Variants in SAMSN1 observed in about 807,000 individuals in gnomAD.
SAMSN1 encodes SAM domain, SH3 domain and nuclear localization signals 1, also known as SAM domain-containing protein SAMSN-1.
In SAMSN1, 31 loss-of-function variants were observed where a neutral mutation model predicts 42.0. That is an observed-to-expected ratio of 0.74 (90% CI 0.55 to 1.00). SAMSN1 has a LOEUF of 1.00. Ranked by LOEUF, SAMSN1 falls within the 50% of genes least tolerant of loss-of-function variation. SAMSN1 has a pLI of 0.00. For missense variants in SAMSN1, 464 were observed against 439.4 expected, an observed-to-expected ratio of 1.06 and a Z score of -0.50; for synonymous variants, 178 against 151.9, an observed-to-expected ratio of 1.17 and a Z score of -1.26.
chr21:14,631,265 C>T (rs1486816068), intron 2 of SAMSN1, among the ~76,000 whole-genome samples: 1 of 152,226 alleles, frequency 6.6e-6, no homozygotes, highest in Non-Finnish European at 1.5e-5. Flanking sequence ...TTGTCCCAGA[C>T]TTCCTGCTAA....
intron 2 of SAMSN1, among the ~76,000 whole-genome samples, chr21:14,559,735 G>C (rs1330540051): frequency 6.6e-6 from 1 of 151,862 alleles, no homozygotes; most frequent in Non-Finnish European, 1.5e-5. Flanking sequence ...TGAACTCCGG[G>C]CCTCAATTTA....
intron 7 of SAMSN1, among the ~76,000 whole-genome samples, chr21:14,490,172 A>T (rs902761164): frequency 1.3e-5 from 2 of 152,206 alleles, no homozygotes; most frequent in African/African-American, 2.4e-5. Flanking sequence ...AAAATAATAC[A>T]ACCTTAAAGG....
chr21:14,612,185 A>G (rs1266068454), intron 4 of SAMSN1, among the ~76,000 whole-genome samples: 1 of 152,200 alleles, frequency 6.6e-6, no homozygotes, highest in East Asian at 1.9e-4. Flanking sequence ...GTGAGCCAAG[A>G]TTGCACCATT....
chr21:14,510,075 G>C (rs962732697), intron 5 of SAMSN1, among the ~76,000 whole-genome samples: 10 of 151,758 alleles, frequency 6.6e-5, no homozygotes, highest in East Asian at 5.8e-4. Context: ...GGAGGTGGAG[G>C]TTGCAGTGAG....
At chr21:14,537,981 T>C (rs1352747912) in intron 1 of SAMSN1, among the ~76,000 whole-genome samples, 1 of 152,226 alleles carries the variant, frequency 6.6e-6, no homozygotes, top group Non-Finnish European at 1.5e-5. Flanking sequence ...CATTTTAACA[T>C]GTTCTAGACT....
intron 3 of SAMSN1, among the ~76,000 whole-genome samples, chr21:14,513,542 G>T (rs1188909494): frequency 6.6e-6 from 1 of 151,984 alleles, no homozygotes; most frequent in African/African-American, 2.4e-5. Context: ...TCTGTGTAGA[G>T]TATTTGGGGA....
intron 3 of SAMSN1, among the ~76,000 whole-genome samples, chr21:14,613,516 A>G (rs1444750282): frequency 6.6e-6 from 1 of 152,172 alleles, no homozygotes; most frequent in African/African-American, 2.4e-5. Flanking sequence ...TACTATTGAT[A>G]TTCTTTATTG....
chr21:14,655,556 G>A (rs903338230), intron 1 of SAMSN1, among the ~76,000 whole-genome samples: 1 of 151,702 alleles, frequency 6.6e-6, no homozygotes, highest in Non-Finnish European at 1.5e-5. Flanking sequence ...ATATTTAAAA[G>A]GAAGTTAATC....
chr21:14,546,623 G>A (rs113077917), upstream of SAMSN1, among the ~76,000 whole-genome samples: 2,129 of 150,548 alleles, frequency 0.014, 18 homozygotes, highest in South Asian at 0.027. Flanking sequence ...GAAAAAATCG[G>A]AGCCAATAAC....
intron 2 of SAMSN1, among the ~76,000 whole-genome samples, chr21:14,564,568 C>T (rs7275386): frequency 0.37 from 55,628 of 152,016 alleles, 10,795 homozygotes; most frequent in Admixed American, 0.49. Flanking sequence ...CCAAACCTGT[C>T]ATGCAGAATA....
chr21:14,625,879 T>C (rs1229897843), intron 2 of SAMSN1, among the ~76,000 whole-genome samples: 1 of 152,164 alleles, frequency 6.6e-6, no homozygotes, highest in Non-Finnish European at 1.5e-5. Context: ...CTTCAAACTA[T>C]ACTACAAGGC....
intron 5 of SAMSN1, among the ~76,000 whole-genome samples, chr21:14,604,092 A>G (rs888212275): frequency 3.9e-5 from 6 of 152,220 alleles, no homozygotes; most frequent in Non-Finnish European, 7.3e-5. Context: ...AGGCACACTT[A>G]AACCTTTGGT....
At chr21:14,492,822 T>C (rs180857764) in intron 7 of SAMSN1, among the ~76,000 whole-genome samples, 2 of 152,368 alleles carry the variant, frequency 1.3e-5, no homozygotes, top group Non-Finnish European at 2.9e-5. Context: ...CAACTATGAC[T>C]ATAGATATTA....
At chr21:14,608,508 G>A (rs1027983257) in intron 5 of SAMSN1, among the ~76,000 whole-genome samples, 3 of 152,100 alleles carry the variant, frequency 2.0e-5, no homozygotes, top group Non-Finnish European at 4.4e-5. Flanking sequence ...AGACAACAGG[G>A]CCTGAAATTC....
chr21:14,581,340 ATTTCTTTTTTTTT>A (rs1199137228), intron 2 of SAMSN1, among the ~76,000 whole-genome samples: 69 of 22,552 alleles, frequency 3.1e-3, no homozygotes, highest in African/African-American at 8.4e-3. Context: ...GGGAAATAAT[ATTTCTTTTTTTTT>A]TTTTTTTTTT....
At chr21:14,526,741 T>C (rs760171544) in intron 1 of SAMSN1, among the ~76,000 whole-genome samples, 9 of 152,202 alleles carry the variant, frequency 5.9e-5, no homozygotes, top group African/African-American at 2.2e-4. Context: ...AGAGGCTTGC[T>C]TTCTGAGCAG....
intron 2 of SAMSN1, among the ~76,000 whole-genome samples, chr21:14,517,771 T>C (rs923636630): frequency 6.6e-6 from 1 of 152,144 alleles, no homozygotes; most frequent in Non-Finnish European, 1.5e-5. Flanking sequence ...CAAGACTCTA[T>C]ATGTCATAAC....
upstream of SAMSN1, among the ~76,000 whole-genome samples, chr21:14,548,529 C>T (rs183750581): frequency 2.0e-5 from 3 of 152,222 alleles, no homozygotes; most frequent in Non-Finnish European, 1.5e-5. Flanking sequence ...TCTCTAGGCA[C>T]TTCACCATCT....
At chr21:14,638,574 C>A (rs458621) in intron 2 of SAMSN1, among the ~76,000 whole-genome samples, 6 of 151,954 alleles carry the variant, frequency 3.9e-5, no homozygotes, top group Middle Eastern at 3.2e-3. Flanking sequence ...AATATAAAAG[C>A]TATTTTTAGC....
Sources: allele counts gnomAD v4.1 joint callset (sites outside exome capture counted in the v4.1 genomes callset), GRCh38; gene constraint gnomAD v4.1.1; transcripts MANE v1.5; gene names NCBI Gene and HGNC (gene_info 2026-07-23, HGNC 2026-07-21).